COL23A1: variants seen among roughly 807,000 people sequenced by gnomAD.
COL23A1 encodes the protein collagen alpha-1(XXIII) chain.
COL23A1 carries 97 observed loss-of-function variants against 99.3 expected under a neutral mutation model. The ratio of observed to expected loss-of-function variants is 0.98; its 90% CI spans 0.83 to 1.16. COL23A1 has a LOEUF of 1.16. Ranked by LOEUF, COL23A1 falls within the 50% of genes most tolerant of loss-of-function variation. The pLI is 0.00. For missense variants in COL23A1, 762 were observed against 757.4 expected, an observed-to-expected ratio of 1.01 and a Z score of -0.07; for synonymous variants, 320 against 308.2, an observed-to-expected ratio of 1.04 and a Z score of -0.40.
At chr5:178,425,191 G>A (rs1765846071) in intron 2 of COL23A1, among the ~76,000 whole-genome samples, 1 of 152,206 alleles carries the variant, frequency 6.6e-6, no homozygotes, top group Non-Finnish European at 1.5e-5. Context: ...GGGAGGCTGA[G>A]GCAGGCAGAT....
rs746698624 is a variant in COL23A1 at position 178,261,763 on chromosome 5, GAGA to G, written c.676-18_676-16del. On this transcript the variant is annotated splice_polypyrimidine_tract_variant and intron_variant, in intron 10 of 28. Coordinates refer to ENST00000390654, the MANE Select transcript of COL23A1 (RefSeq NM_173465.4). ...CCCTTTGGGCCCTGGAACAAGAGAA[GAGA>G]AGGTGTTAAATGTCATACTGGAGGC... 4 of 1,602,554 alleles carry G rather than the reference GAGA, an allele frequency of 2.5e-6. No individual in the cohort carries two copies. Among genetic ancestry groups the G allele is most frequent in the Non-Finnish European group, 3.4e-6 (4 of 1,169,406 alleles).
At chr5:178,405,280 T>C (rs1286274535) in intron 2 of COL23A1, among the ~76,000 whole-genome samples, 1 of 152,278 alleles carries the variant, frequency 6.6e-6, no homozygotes, top group Non-Finnish European at 1.5e-5. Flanking sequence ...AGTTCTCTTT[T>C]GCTTCAGCTA....
At chr5:178,547,412 C>T (rs571423894) in intron 2 of COL23A1, among the ~76,000 whole-genome samples, 1 of 151,678 alleles carries the variant, frequency 6.6e-6, no homozygotes, top group Non-Finnish European at 1.5e-5. Flanking sequence ...CCCATAATCA[C>T]GTGAGCCAAT....
chr5:178,382,491 G>A (rs1012899467), intron 2 of COL23A1, among the ~76,000 whole-genome samples: 1 of 152,190 alleles, frequency 6.6e-6, no homozygotes, highest in African/African-American at 2.4e-5. Flanking sequence ...GCAGGGGACA[G>A]GGAGAGACCT....
At chr5:178,489,781 G>C (rs1164853677) in intron 2 of COL23A1, among the ~76,000 whole-genome samples, 1 of 152,204 alleles carries the variant, frequency 6.6e-6, no homozygotes, top group African/African-American at 2.4e-5. Context: ...AGACCCAGAG[G>C]CCATGAAAGC....
At chr5:178,475,066 C>T (rs1380879516) in intron 2 of COL23A1, among the ~76,000 whole-genome samples, 1 of 152,150 alleles carries the variant, frequency 6.6e-6, no homozygotes, top group African/African-American at 2.4e-5. Flanking sequence ...CAGCATTCTT[C>T]CTGTGTATCT....
At chr5:178,547,496 T>TA (rs1761661877) in intron 2 of COL23A1, among the ~76,000 whole-genome samples, 1 of 30,036 alleles carries the variant, frequency 3.3e-5, no homozygotes. Flanking sequence ...CACCCACACA[T>TA]CCCCATACAC....
intron 2 of COL23A1, among the ~76,000 whole-genome samples, chr5:178,556,673 G>A (rs982663597): frequency 6.7e-5 from 7 of 105,240 alleles, no homozygotes; most frequent in African/African-American, 3.0e-4. Context: ...AAATAAAAAA[G>A]CTGAGTGTGG....
At chr5:178,329,936 CAAA>C (rs11367167) in intron 2 of COL23A1, among the ~76,000 whole-genome samples, 24 of 135,338 alleles carry the variant, frequency 1.8e-4, no homozygotes, top group Non-Finnish European at 1.6e-4. Context: ...GATTCTGTCT[CAAA>C]AAAAAAAAAA....
intron 2 of COL23A1, among the ~76,000 whole-genome samples, chr5:178,461,891 T>C (rs981305812): frequency 6.6e-6 from 1 of 152,194 alleles, no homozygotes; most frequent in Non-Finnish European, 1.5e-5. Context: ...GACAATGAAT[T>C]CTACACAAGT....
rs192949726 is a variant in COL23A1, at chr5:178,492,321, C to T, written c.361+68361G>A. On this transcript the variant is annotated intron_variant, in intron 2 of 28. Transcript: ENST00000390654. ...AGGTCAAAGGAGGGAGTATGGGCAGCGCCTACCCCAACGGGACCAGTGTCC... is the reference window on the plus strand; with the variant it reads ...AGGTCAAAGGAGGGAGTATGGGCAGTGCCTACCCCAACGGGACCAGTGTCC... Among the ~76,000 whole-genome samples, 465 of 152,178 alleles carry T rather than the reference C, an allele frequency of 3.1e-3. 6 individuals carry two copies. The Middle Eastern group carries it at 0.041, about 13-fold the overall frequency.
Position 178,590,240 on chromosome 5 carries a change from CT to C in COL23A1, c.-44del, listed in dbSNP as rs993551143. On this transcript the variant is annotated 5_prime_UTR_variant, in exon 1 of 29. Coordinates refer to ENST00000390654, the MANE Select transcript of COL23A1 (RefSeq NM_173465.4). The surrounding 1 kb of genome is among the most constrained non-coding windows in gnomAD (Gnocchi z 5.7). The stretch of plus-strand genomic sequence containing the variant: ...TGGACTCTCCGAGGGGGCGGTGCTG[CT>C]GGGGCAGAGGCTGGGTGCGAGAGGA... 1 of 1,203,610 alleles carries C rather than the reference CT, an allele frequency of 8.3e-7. No individual in the cohort carries two copies. The highest frequency in any genetic ancestry group is 1.0e-6 in the Non-Finnish European group (1 of 968,552). 74.6% of individuals were successfully genotyped at this position (1,203,610 alleles called of 1,614,324 possible). A position where few individuals can be genotyped will look rare whatever the true frequency, so the allele number is the denominator to read the frequency against.
rs938333929 is a variant in COL23A1, at chr5:178,544,121, C to T, written c.361+16561G>A. ...AAGATTCAGTCCACAGCATAATCTC[C>T]GGGGCATGTCCCTCCTTACACTCTC... On this transcript the variant is annotated intron_variant, in intron 2 of 28. Transcript: ENST00000390654. This position sits in a 1 kb window ranked among gnomAD's most constrained non-coding sequence, Gnocchi z 4.4. Among the ~76,000 whole-genome samples, 5 of 152,092 alleles carry T rather than the reference C, an allele frequency of 3.3e-5. No homozygotes were observed. Among genetic ancestry groups the T allele is most frequent in the African/African-American group, 9.7e-5 (4 of 41,384 alleles).
At chr5:178,242,181 C>T (rs926182545) in intron 26 of COL23A1, 53 bp from the exon 27 acceptor site, 14 of 1,502,118 alleles carry the variant, frequency 9.3e-6, no homozygotes, top group African/African-American at 5.5e-5. Flanking sequence ...GCTTAGGAAC[C>T]TCCAACATCT....
intron 2 of COL23A1, among the ~76,000 whole-genome samples, chr5:178,527,455 C>A (rs184757023): frequency 1.3e-5 from 2 of 152,332 alleles, no homozygotes; most frequent in Admixed American, 1.3e-4. Flanking sequence ...CTCCAAGGGG[C>A]CTCCAGGCAC....
intron 1 of COL23A1, among the ~76,000 whole-genome samples, chr5:178,581,586 A>T (rs1252476729): frequency 6.6e-6 from 1 of 151,652 alleles, no homozygotes; most frequent in African/African-American, 2.4e-5. Context: ...AAAAAAATTA[A>T]AACGAAAAAC....
chr5:178,241,211 ACT>A (rs1444212998), intron 27 of COL23A1, among the ~76,000 whole-genome samples: 3 of 151,880 alleles, frequency 2.0e-5, no homozygotes, highest in African/African-American at 4.8e-5. Context: ...ACAGAGTGAG[ACT>A]CTGTCTCCGA....
chr5:178,585,082 G>A lies in COL23A1; in HGVS notation c.294+4822C>T, dbSNP rs540419720. On this transcript the variant is annotated intron_variant, in intron 1 of 28. Transcript: ENST00000390654. ...ATCAACCTTCCCTTCAGCTGTGGCC[G>A]GCAGCACAGCTGGACAGCAGAGCCC... 1.3e-3 allele frequency among the ~76,000 whole-genome samples: 203 copies of A among 152,264 alleles called. 4 individuals carry two copies. In the South Asian group the frequency reaches 0.04, roughly 30 times the overall value.
Position 178,259,827 on chromosome 5 carries a change from G to A in COL23A1, c.703-80C>T, listed in dbSNP as rs556499827. 4.5e-5 allele frequency: 61 copies of A among 1,366,764 alleles called. No individual in the cohort carries two copies. The African/African-American group carries it at 5.5e-4, about 12-fold the overall frequency. The allele number at this position is 1,366,764 out of a possible 1,614,324, so 84.7% of individuals were successfully genotyped here. A position where few individuals can be genotyped will look rare whatever the true frequency, so the allele number is the denominator to read the frequency against. On this transcript the variant is annotated intron_variant, in intron 11 of 28. Transcript: ENST00000390654. The stretch of plus-strand genomic sequence containing the variant: ...CCGGACCCCGGACCTCTTGTTCCTC[G>A]GGTAGAAGTGGCACTGATGACCCGT...
Sources: allele counts gnomAD v4.1 joint callset (sites outside exome capture counted in the v4.1 genomes callset), GRCh38; gene constraint gnomAD v4.1.1; non-coding constraint Gnocchi (gnomAD v3.1); transcripts MANE v1.5; gene names NCBI Gene and HGNC (gene_info 2026-07-23, HGNC 2026-07-21).